TRIM67: variants seen among roughly 807,000 people sequenced by gnomAD.
TRIM67 encodes tripartite motif-containing protein 67.
A neutral mutation model predicts 71.0 loss-of-function variants in TRIM67; 39 were observed. The ratio of observed to expected loss-of-function variants is 0.55; its 90% CI spans 0.43 to 0.72. TRIM67 has a LOEUF of 0.72. TRIM67 is among the 30% of genes least tolerant of loss of function. The pLI is 0.00. For synonymous variants in TRIM67, 481 were observed against 473.9 expected (o/e 1.01, Z -0.19); for missense variants, 973 against 1,079.2 (o/e 0.90, Z 1.38).
At chr1:231,190,988 A>G (rs557355855) in intron 1 of TRIM67, among the ~76,000 whole-genome samples, 2 of 152,240 alleles carry the variant, frequency 1.3e-5, no homozygotes, top group East Asian at 1.9e-4. Flanking sequence ...ATCTGCCTCA[A>G]TCACAGGGTG....
At chr1:231,171,767 G>A (rs1682624788) in intron 1 of TRIM67, among the ~76,000 whole-genome samples, 1 of 152,162 alleles carries the variant, frequency 6.6e-6, no homozygotes, top group African/African-American at 2.4e-5. Context: ...GAAGGGGTTT[G>A]CTAAACTTGT....
Position 231,163,212 on chromosome 1 carries a change from CG to C in TRIM67, c.246del (p.Ser83ValfsTer234). ...CTGGCCCGGCCTGCGGCGGTGCAGG[CG>C]GGAGTGCAGCTGGCGGCCTCGGCGG... is the stretch of plus-strand genomic sequence containing the variant. ...AAGPACGGAGGSAAGGLGGGA... is the reference protein window; with the variant it reads ...AAGPACGGAGXSAAGGLGGGA... On this transcript the variant is annotated frameshift_variant, in exon 1 of 10. Coordinates refer to ENST00000366653, the MANE Select transcript of TRIM67 (RefSeq NM_001004342.5). LOFTEE classifies it high-confidence loss of function. 2 of 1,495,430 alleles carry C rather than the reference CG, an allele frequency of 1.3e-6. No individual in the cohort carries two copies. The highest frequency in any genetic ancestry group is 1.8e-6 in the Non-Finnish European group (2 of 1,123,360). The allele number at this position is 1,495,430 out of a possible 1,614,324, so 92.6% of individuals were successfully genotyped here.
chr1:231,220,018 A>C lies in TRIM67; in HGVS notation c.*4578A>C. The C allele has an allele frequency of 8.4e-7, 1 of 1,196,986 alleles. No homozygotes were observed. The allele number at this position is 1,196,986 out of a possible 1,614,324, so 74.1% of individuals were successfully genotyped here. ...TCTCTTATCCTTTCTGTGCCTCAGT[A>C]TCCCCACCTGAAATGAGACTAGTCA... On this transcript the variant is annotated 3_prime_UTR_variant, in exon 10 of 10. Transcript: ENST00000366653.
chr1:231,185,084 G>A (rs1465569367), intron 1 of TRIM67: 28 of 1,532,784 alleles, frequency 1.8e-5, no homozygotes, highest in Non-Finnish European at 2.4e-5. Context: ...CAGAGAGCAG[G>A]GCACTTCGGT....
Position 231,163,104 on chromosome 1 carries a change from G to A in TRIM67, c.135G>A (p.Leu45=). Residue 45 remains leucine (L), a synonymous_variant, in exon 1 of 10, where the codon CTG becomes CTA. Coordinates refer to ENST00000366653, the MANE Select transcript of TRIM67 (RefSeq NM_001004342.5). The part of the protein sequence containing the change: ...AVQTPDGEQH[L]PQPLLLSRGS... Reference sequence around the variant, plus strand: ...AGACCCCGGACGGTGAGCAGCACCTGCCCCAGCCGCTCCTGCTTTCCCGGG... The same window carrying A: ...AGACCCCGGACGGTGAGCAGCACCTACCCCAGCCGCTCCTGCTTTCCCGGG... 6.4e-7 allele frequency: 1 copy of A among 1,563,892 alleles called. No individual in the cohort carries two copies. The highest frequency in any genetic ancestry group is 8.6e-7 in the Non-Finnish European group (1 of 1,156,616).
In TRIM67 at chr1:231,219,460, CT is replaced by C; in HGVS notation, c.*4023del. ...GCCTGTATGTGACAAAGCTGCCAGC[CT>C]TTATCTTGATACCCAAGCCCAGGAT... On this transcript the variant is annotated 3_prime_UTR_variant, in exon 10 of 10. Transcript: ENST00000366653. 1 of 1,051,368 alleles carries C rather than the reference CT, an allele frequency of 9.5e-7. No homozygotes were observed. The highest frequency in any genetic ancestry group is 1.1e-6 in the Non-Finnish European group (1 of 870,778). The allele number at this position is 1,051,368 out of a possible 1,614,324, so 65.1% of individuals were successfully genotyped here.
chr1:231,198,200 A>G (rs1414116313), intron 2 of TRIM67, among the ~76,000 whole-genome samples: 1 of 152,076 alleles, frequency 6.6e-6, no homozygotes, highest in Non-Finnish European at 1.5e-5. Flanking sequence ...TGTTTACTGA[A>G]CTCTTATGCT....
intron 1 of TRIM67, among the ~76,000 whole-genome samples, chr1:231,168,267 C>T (rs1399855872): frequency 6.6e-6 from 1 of 152,234 alleles, no homozygotes; most frequent in African/African-American, 2.4e-5. Context: ...AGCGACTGCA[C>T]CTGACCAACG....
Position 231,217,677 on chromosome 1 carries a change from C to T in TRIM67, c.*2237C>T, listed in dbSNP as rs763635538. ...GACAGCAGCTTCTCACAGGGGAGCC[C>T]TGGGGAAGGCTGTGGAGCCTCCACC... On this transcript the variant is annotated 3_prime_UTR_variant, in exon 10 of 10. Coordinates refer to ENST00000366653, the MANE Select transcript of TRIM67 (RefSeq NM_001004342.5). The T allele has an allele frequency of 6.6e-5, 78 of 1,177,692 alleles. 1 individual carries two copies. Among genetic ancestry groups the T allele is most frequent in the Middle Eastern group, 3.3e-4 (1 of 2,988 alleles). 73.0% of individuals were successfully genotyped at this position (1,177,692 alleles called of 1,614,324 possible).
chr1:231,168,435 G>T (rs1201776623), intron 1 of TRIM67, among the ~76,000 whole-genome samples: 1 of 152,102 alleles, frequency 6.6e-6, no homozygotes, highest in Non-Finnish European at 1.5e-5. Flanking sequence ...ATCTCCTCAG[G>T]TTACATTTCT....
chr1:231,218,041 A>G lies in TRIM67; in HGVS notation c.*2601A>G, dbSNP rs900609629. The G allele has an allele frequency of 8.6e-7, 1 of 1,166,992 alleles. No individual in the cohort carries two copies. The highest frequency in any genetic ancestry group is 1.6e-5 in the African/African-American group (1 of 62,228). 72.3% of individuals were successfully genotyped at this position (1,166,992 alleles called of 1,614,324 possible). On this transcript the variant is annotated 3_prime_UTR_variant, in exon 10 of 10. Transcript: ENST00000366653. ...CAGCATCCAGCTCTCCTTCACAGAC[A>G]CCTCTCCTGTCTTCAGCACAAAACA...
Position 231,178,350 on chromosome 1 carries a change from T to C in TRIM67, c.1044+14337T>C, listed in dbSNP as rs535889806. 4.6e-5 allele frequency among the ~76,000 whole-genome samples: 7 copies of C among 152,250 alleles called. No homozygotes were observed. The South Asian group carries it at 1.5e-3, about 32-fold the overall frequency. ...AGTTGCAAGCCAACAATCCTAAAACTCCTCCTTTTGCCATGGACTGACGGC... is the reference window on the plus strand; with the variant it reads ...AGTTGCAAGCCAACAATCCTAAAACCCCTCCTTTTGCCATGGACTGACGGC... On this transcript the variant is annotated intron_variant, in intron 1 of 9. Transcript: ENST00000366653.
rs1684079309 is a variant in TRIM67, at chr1:231,219,011, G to A, written c.*3571G>A. 2 of 985,480 alleles carry A rather than the reference G, an allele frequency of 2.0e-6. No homozygotes were observed. The highest frequency in any genetic ancestry group is 2.4e-6 in the Non-Finnish European group (2 of 829,968). 61.0% of individuals were successfully genotyped at this position (985,480 alleles called of 1,614,324 possible). A position where few individuals can be genotyped will look rare whatever the true frequency, so the allele number is the denominator to read the frequency against. On this transcript the variant is annotated 3_prime_UTR_variant, in exon 10 of 10. Coordinates refer to ENST00000366653, the MANE Select transcript of TRIM67 (RefSeq NM_001004342.5). ...GCAAGCGAAAGGCTTGGTCCCCCTGGGAAGGCGGGTTTCGGCACCGGTGGG... is the reference window on the plus strand; with the variant it reads ...GCAAGCGAAAGGCTTGGTCCCCCTGAGAAGGCGGGTTTCGGCACCGGTGGG...
chr1:231,208,832 C>A, intron 7 of TRIM67, 115 bp from the exon 8 acceptor site: 2 of 1,034,468 alleles, frequency 1.9e-6, no homozygotes, highest in Non-Finnish European at 2.9e-6. Flanking sequence ...AGACCCTTCA[C>A]TTCTGGGTGC....
intron 1 of TRIM67, among the ~76,000 whole-genome samples, chr1:231,176,385 G>A (rs76597991): frequency 0.015 from 2,279 of 152,300 alleles, 22 homozygotes; most frequent in Non-Finnish European, 0.025. Flanking sequence ...CCAGAGATTA[G>A]GAAGGGGAAG....
rs1683780758 is a variant in TRIM67, at chr1:231,208,763, A to AGTGTGTGGG, written c.1820-177_1820-176insGGGTGTGTG. ...CAACTTGGATGAACACAGAGCAGGG[A>AGTGTGTGGG]GTGTGTGCATGTGTGTACGTTTGTG... On this transcript the variant is annotated intron_variant, in intron 7 of 9. Transcript: ENST00000366653. 2.0e-5 allele frequency among the ~76,000 whole-genome samples: 3 copies of AGTGTGTGGG among 152,046 alleles called. No individual in the cohort carries two copies. In the South Asian group the frequency reaches 6.2e-4, roughly 32 times the overall value.
intron 1 of TRIM67, among the ~76,000 whole-genome samples, chr1:231,186,376 G>T (rs529053695): frequency 7.2e-5 from 11 of 152,188 alleles, no homozygotes; most frequent in Non-Finnish European, 1.5e-4. Context: ...CTTTGCTAGG[G>T]TTGCCAGAGC....
At chr1:231,187,589 A>C (rs1433902228) in intron 1 of TRIM67, 1 of 1,527,410 alleles carries the variant, frequency 6.5e-7, no homozygotes, top group African/African-American at 1.4e-5. Context: ...CTTTGTGCCC[A>C]ATGATGGTGT....
At position 231,212,893 on chromosome 1, in the gene TRIM67, A is replaced by G. The variant is rs551665709; in HGVS notation, c.2124-922A>G. Among the ~76,000 whole-genome samples, 4 of 152,230 alleles carry G rather than the reference A, an allele frequency of 2.6e-5. No individual in the cohort carries two copies. In the East Asian group the frequency reaches 7.7e-4, roughly 29 times the overall value. ...ACAAAGTACGACGTTGCCAACACTGATCAAGAGCACAATGGACATTCTCAA... is the reference window on the plus strand; with the variant it reads ...ACAAAGTACGACGTTGCCAACACTGGTCAAGAGCACAATGGACATTCTCAA... On this transcript the variant is annotated intron_variant, in intron 8 of 9. Coordinates refer to ENST00000366653, the MANE Select transcript of TRIM67 (RefSeq NM_001004342.5).
Sources: allele counts gnomAD v4.1 joint callset (sites outside exome capture counted in the v4.1 genomes callset), GRCh38; gene constraint gnomAD v4.1.1; transcripts MANE v1.5; gene names NCBI Gene and HGNC (gene_info 2026-07-23, HGNC 2026-07-21).